MPP4: variants seen among roughly 807,000 people sequenced by gnomAD.
The protein encoded by MPP4 is MAGUK p55 subfamily member 4.
MPP4 carries 91 observed loss-of-function variants against 98.3 expected under a neutral mutation model. The ratio of observed to expected loss-of-function variants is 0.93; its 90% CI spans 0.78 to 1.10. MPP4 has a LOEUF of 1.10. Among genes scored for constraint, MPP4 ranks in the 50% least tolerant of loss-of-function variants. MPP4 has a pLI of 0.00. For synonymous variants in MPP4, 261 were observed against 271.8 expected, an observed-to-expected ratio of 0.96 and a Z score of 0.39; for missense variants, 744 against 792.9, an observed-to-expected ratio of 0.94 and a Z score of 0.74.
intron 3 of MPP4, among the ~76,000 whole-genome samples, 170 bp downstream of exon 3, chr2:201,692,738 T>A (rs1689073327): frequency 6.6e-6 from 1 of 152,132 alleles, no homozygotes; most frequent in African/African-American, 2.4e-5. Flanking sequence ...ACACTGAATC[T>A]GCTGCCGACT....
intron 20 of MPP4, among the ~76,000 whole-genome samples, chr2:201,648,570 C>T (rs143234417): frequency 1.8e-4 from 27 of 152,312 alleles, no homozygotes; most frequent in African/African-American, 6.5e-4. Flanking sequence ...AGAGTCTATA[C>T]ATGAGAGAAT....
rs753411244 is a variant in MPP4, at chr2:201,656,265, G to A, written c.1233C>T (p.Ala411=). The A allele has an allele frequency of 1.1e-5, 17 of 1,597,920 alleles. No individual in the cohort carries two copies. The South Asian group carries it at 1.3e-4, about 12-fold the overall frequency. The change falls in exon 17 of 22, where the codon GCC becomes GCT. Residue 411 remains alanine (A), a synonymous_variant. Transcript: ENST00000409474. ...GGTACCTCACCACCTCCTCGTAAGG[G>A]GCACCCACTGCACTGTAGCAGCTGC... ...CTGSCYSAVG[A]PYEEVVRYQR...
chr2:201,650,305 A>G, intron 18 of MPP4, 140 bp from the exon 19 acceptor site: 2 of 1,414,432 alleles, frequency 1.4e-6, no homozygotes, highest in Non-Finnish European at 1.8e-6. Flanking sequence ...TAAAAAGAAG[A>G]AGCCTGAATT....
intron 1 of MPP4, among the ~76,000 whole-genome samples, chr2:201,695,391 A>G (rs756200187): frequency 2.0e-5 from 3 of 152,234 alleles, no homozygotes; most frequent in Non-Finnish European, 4.4e-5. Flanking sequence ...CAAATGTCCC[A>G]CTGAACTATC....
chr2:201,645,787 A>T (rs977857113), intron 21 of MPP4, among the ~76,000 whole-genome samples: 1 of 152,166 alleles, frequency 6.6e-6, no homozygotes, highest in African/African-American at 2.4e-5. Flanking sequence ...AGTAGCTGGG[A>T]CTATAGGCAC....
Position 201,681,501 on chromosome 2 carries a change from G to T in MPP4, c.727C>A (p.Gln243Lys), listed in dbSNP as rs2105938877. ...PVSDPPVNSQ[Q>K]MVYVRAMTEY... ...AAGGCTCAGTAAATTCTTACCATCT[G>T]CTGGCTATTCACAGGAGGGTCAGAG... The change falls in exon 9 of 22, where the codon CAG becomes AAG. Residue 243 changes from glutamine to lysine, a missense_variant. Gln to Lys is a moderately conservative substitution (Grantham distance 53). Coordinates refer to ENST00000409474, the MANE Select transcript of MPP4 (RefSeq NM_033066.3). 6.2e-7 allele frequency: 1 copy of T among 1,612,860 alleles called. No individual in the cohort carries two copies. Among genetic ancestry groups the T allele is most frequent in the Admixed American group, 1.7e-5 (1 of 60,006 alleles).
intron 2 of MPP4, among the ~76,000 whole-genome samples, chr2:201,693,285 T>C (rs1041604725): frequency 2.6e-5 from 4 of 152,208 alleles, no homozygotes; most frequent in African/African-American, 7.2e-5. Context: ...TTCTTAACAC[T>C]GAGTAAAATA....
rs1231069585 is a variant in MPP4 at position 201,681,554 on chromosome 2, C to T, written c.674G>A (p.Gly225Asp). The change falls in exon 9 of 22, where the codon GGC becomes GAC. Residue 225 changes from glycine to aspartate, a missense_variant. Transcript: ENST00000409474. ...QVIHILAMSR[G>D]TIMFKVVPVS... ...TGGAACCACCTTGAACATGATTGTG[C>T]CTCGAGACATGGCCTGGAAAATAAG... is the stretch of plus-strand genomic sequence containing the variant. 1.9e-6 allele frequency: 3 copies of T among 1,613,366 alleles called. No homozygotes were observed. The highest frequency in any genetic ancestry group is 2.5e-6 in the Non-Finnish European group (3 of 1,179,712).
chr2:201,672,294 A>G (rs1013210646), intron 11 of MPP4, among the ~76,000 whole-genome samples: 5 of 152,200 alleles, frequency 3.3e-5, no homozygotes, highest in African/African-American at 1.2e-4. Context: ...GGAGAAAGCA[A>G]GAAAGATCCA....
chr2:201,661,813 C>T (rs967025206), intron 14 of MPP4, among the ~76,000 whole-genome samples: 2 of 152,174 alleles, frequency 1.3e-5, no homozygotes, highest in African/African-American at 4.8e-5. Flanking sequence ...AGTCGGTGGT[C>T]TCACCCACTG....
At position 201,687,282 on chromosome 2, in the gene MPP4, G is replaced by A. The variant is rs1688865827; in HGVS notation, c.360+9C>T. ...TGGGGACATCTTTTCTATTTTAGCA[G>A]GCACTTGCCTTGAAGTGTGGAGCCT... is the stretch of plus-strand genomic sequence containing the variant. On this transcript the variant is annotated intron_variant, in intron 5 of 21. Transcript: ENST00000409474. 6.4e-7 allele frequency: 1 copy of A among 1,566,590 alleles called. No homozygotes were observed. Among genetic ancestry groups the A allele is most frequent in the African/African-American group, 1.4e-5 (1 of 73,908 alleles).
intron 7 of MPP4, among the ~76,000 whole-genome samples, chr2:201,684,711 G>A (rs1291750557): frequency 6.6e-6 from 1 of 152,146 alleles, no homozygotes; most frequent in African/African-American, 2.4e-5. Flanking sequence ...AGCACTTTGG[G>A]AGGCTGAGGT....
chr2:201,656,431 C>T (rs994236777), intron 16 of MPP4, 63 bp from the exon 17 acceptor site: 70 of 1,419,590 alleles, frequency 4.9e-5, no homozygotes, highest in Non-Finnish European at 8.5e-6. Context: ...TAGCTTCACA[C>T]CTGATGAAAT....
chr2:201,695,704 G>A (rs1306439081), intron 1 of MPP4, among the ~76,000 whole-genome samples: 1 of 152,018 alleles, frequency 6.6e-6, no homozygotes, highest in East Asian at 1.9e-4. Flanking sequence ...CACTCTCTTG[G>A]CCCCTGTTAG....
At chr2:201,650,408 A>G (rs945991646) in intron 18 of MPP4, 2 of 985,354 alleles carry the variant, frequency 2.0e-6, no homozygotes, top group African/African-American at 3.5e-5. Flanking sequence ...TTAAGCCAGC[A>G]TAAGAAAGAC....
In MPP4 at chr2:201,685,966, C is replaced by A. The variant is rs755630027; in HGVS notation, c.445G>T (p.Glu149Ter). The change falls in exon 6 of 22, where the codon GAG becomes TAG. Residue 149 changes from glutamate to a stop codon, truncating the protein, a stop_gained. Transcript: ENST00000409474. LOFTEE classifies it high-confidence loss of function. ...PPLPDNIPES[E>*]EAMRIVCLVK... Reference sequence around the variant, plus strand: ...AAACAAACAATCCTCATTGCTTCCTCACTCTCAGGGATATTGTCTGGCAGT... The same window carrying A: ...AAACAAACAATCCTCATTGCTTCCTAACTCTCAGGGATATTGTCTGGCAGT... 6 of 1,612,896 alleles carry A rather than the reference C, an allele frequency of 3.7e-6. No individual in the cohort carries two copies. The highest frequency in any genetic ancestry group is 3.4e-6 in the Non-Finnish European group (4 of 1,179,006).
intron 10 of MPP4, among the ~76,000 whole-genome samples, chr2:201,676,642 G>A (rs1240127488): frequency 2.0e-5 from 3 of 152,236 alleles, no homozygotes; most frequent in East Asian, 1.9e-4. Flanking sequence ...GCTCACGCCT[G>A]TAATCCCAGC....
At chr2:201,649,840 C>G (rs1019748017) in intron 19 of MPP4, among the ~76,000 whole-genome samples, 156 bp from the exon 20 acceptor site, 1 of 152,174 alleles carries the variant, frequency 6.6e-6, no homozygotes, top group Middle Eastern at 3.2e-3. Flanking sequence ...ACAAAATGAG[C>G]ATATCTAGAG....
chr2:201,680,957 G>C lies in MPP4; in HGVS notation c.810C>G (p.Phe270Leu), dbSNP rs777696139. 1 of 1,613,782 alleles carries C rather than the reference G, an allele frequency of 6.2e-7. No individual in the cohort carries two copies. Residue 270 changes from phenylalanine to leucine, a missense_variant, in exon 10 of 22, where the codon TTC becomes TTG. By Grantham distance (22) the Phe-to-Leu change is conservative (BLOSUM62 0). Coordinates refer to ENST00000409474, the MANE Select transcript of MPP4 (RefSeq NM_033066.3). The part of the protein sequence containing the change: ...DIPCMDAGLP[F>L]QKGDILQIVD... ...CAATCTGGAGGATGTCCCCCTTCTG[G>C]AAAGGCAATCCAGCGTCCATGCAGG...
Sources: gnomAD v4.1 joint callset for allele counts (sites outside exome capture counted in the v4.1 genomes callset) on GRCh38, gnomAD v4.1.1 for gene constraint, MANE v1.5 for transcripts, NCBI Gene and HGNC (gene_info 2026-07-23, HGNC 2026-07-21) for gene names.